Variants in XKR6 observed in about 807,000 individuals in gnomAD.
The protein encoded by XKR6 is XK-related protein 6.
A neutral mutation model predicts 56.7 loss-of-function variants in XKR6; 22 were observed. The ratio of observed to expected loss-of-function variants is 0.39; its 90% confidence interval spans 0.28 to 0.55. The LOEUF is 0.55. XKR6 is among the 20% of genes least tolerant of loss of function. The probability of loss-of-function intolerance (pLI) is 0.66; values close to 1 mark genes in which losing one functional copy is unlikely to be tolerated. For missense variants in XKR6, 852 were observed against 889.0 expected (o/e 0.96, Z 0.53); for synonymous variants, 524 against 387.8 (o/e 1.35, Z -4.13).
chr8:10,924,934 C>A (rs1014825002), intron 1 of XKR6, 104 bp from the exon 2 acceptor site: 9 of 1,226,936 alleles, frequency 7.3e-6, no homozygotes, highest in Non-Finnish European at 9.0e-6. Context: ...ATCCCCCCAA[C>A]TCCCTATGCT....
intron 1 of XKR6, among the ~76,000 whole-genome samples, chr8:11,145,442 T>C (rs143247471): frequency 6.6e-6 from 1 of 152,166 alleles, no homozygotes; most frequent in East Asian, 1.9e-4. Context: ...ATAAAACTTA[T>C]TTGTAGATGA....
intron 1 of XKR6, among the ~76,000 whole-genome samples, chr8:11,152,763 G>A (rs778600601): frequency 3.3e-5 from 5 of 152,212 alleles, no homozygotes; most frequent in African/African-American, 7.2e-5. Context: ...TGTGGACAGA[G>A]TGTTTCTTTT....
At chr8:11,076,041 A>G (rs1363016023) in intron 1 of XKR6, among the ~76,000 whole-genome samples, 2 of 152,336 alleles carry the variant, frequency 1.3e-5, no homozygotes, top group South Asian at 2.1e-4. Flanking sequence ...ATTCAGCCAT[A>G]AAAAGGAAGG....
At chr8:11,183,035 T>A (rs1803078664) in intron 1 of XKR6, among the ~76,000 whole-genome samples, 1 of 152,202 alleles carries the variant, frequency 6.6e-6, no homozygotes, top group African/African-American at 2.4e-5. Context: ...TGTTGCAGCA[T>A]GTGTTAGAAT....
At chr8:11,140,723 C>T (rs1438296569) in intron 1 of XKR6, among the ~76,000 whole-genome samples, 9 of 151,772 alleles carry the variant, frequency 5.9e-5, no homozygotes, top group Non-Finnish European at 1.2e-4. Context: ...CGGTGAAACC[C>T]GGTCTCTACT....
intron 1 of XKR6, among the ~76,000 whole-genome samples, chr8:11,048,957 G>A (rs1388862125): frequency 6.6e-6 from 1 of 152,202 alleles, no homozygotes; most frequent in Non-Finnish European, 1.5e-5. Flanking sequence ...CACAGTGGCT[G>A]AGGTGGCTGC....
intron 1 of XKR6, among the ~76,000 whole-genome samples, chr8:11,172,678 CT>C (rs1456384310): frequency 6.6e-6 from 1 of 152,120 alleles, no homozygotes; most frequent in Non-Finnish European, 1.5e-5. Flanking sequence ...TTTTTCTTTA[CT>C]TTTTTTCAAC....
At chr8:11,141,407 C>T (rs1213354635) in intron 1 of XKR6, among the ~76,000 whole-genome samples, 3 of 152,150 alleles carry the variant, frequency 2.0e-5, no homozygotes, top group Non-Finnish European at 2.9e-5. Flanking sequence ...GATTCATGGC[C>T]TCACAAGCAG....
At chr8:10,930,749 C>T (rs1032346612) in intron 1 of XKR6, among the ~76,000 whole-genome samples, 1 of 152,116 alleles carries the variant, frequency 6.6e-6, no homozygotes, top group Admixed American at 6.5e-5. Flanking sequence ...ATTTTCTCAG[C>T]AAACTAGAAA....
intron 1 of XKR6, among the ~76,000 whole-genome samples, chr8:10,939,743 G>T (rs1801334253): frequency 6.6e-6 from 1 of 152,230 alleles, no homozygotes; most frequent in South Asian, 2.1e-4. Flanking sequence ...GAGACCAGGG[G>T]CCTCGCCCAC....
rs543328458 is a variant in XKR6, at chr8:10,938,787, C to T, written c.765-13957G>A. Among the ~76,000 whole-genome samples the T allele has an allele frequency of 9.9e-4, 151 of 152,104 alleles. 1 individual carries two copies. The highest frequency in any genetic ancestry group is 5.0e-3 in the Admixed American group (76 of 15,288). Reference sequence around the variant, plus strand: ...TTATGGTGGTGACTATGTGAATCCGCGTATGCACTGAAACTCAAAGACCTC... The same window carrying T: ...TTATGGTGGTGACTATGTGAATCCGTGTATGCACTGAAACTCAAAGACCTC... On this transcript the variant is annotated intron_variant, in intron 1 of 2. Transcript: ENST00000416569.
chr8:11,020,911 T>C (rs1235138794), intron 1 of XKR6, among the ~76,000 whole-genome samples: 1 of 152,158 alleles, frequency 6.6e-6, no homozygotes, highest in Non-Finnish European at 1.5e-5. Context: ...AGAGAGTCAG[T>C]ATATGTGAAT....
In XKR6 at chr8:11,156,280, G is replaced by C. The variant is rs149176206; in HGVS notation, c.764+44296C>G. Among the ~76,000 whole-genome samples the C allele has an allele frequency of 2.0e-5, 3 of 152,178 alleles. No homozygotes were observed. In the East Asian group the frequency reaches 5.8e-4, roughly 29 times the overall value. On this transcript the variant is annotated intron_variant, in intron 1 of 2. Coordinates refer to ENST00000416569, the MANE Select transcript of XKR6 (RefSeq NM_173683.4). ...TCTGAATGCTTTTCCAACTTTTGTT[G>C]ATTTAACTCTTCCTCACTCATCAAG...
intron 1 of XKR6, among the ~76,000 whole-genome samples, chr8:11,089,879 GAT>G (rs1248219575): frequency 6.6e-6 from 1 of 151,860 alleles, no homozygotes; most frequent in African/African-American, 2.4e-5. Flanking sequence ...ATTCTTACTA[GAT>G]ATATACTTAT....
intron 1 of XKR6, among the ~76,000 whole-genome samples, chr8:11,110,448 A>G (rs1382968754): frequency 1.3e-5 from 2 of 152,224 alleles, no homozygotes; most frequent in Non-Finnish European, 2.9e-5. Flanking sequence ...AGTTTCGGAA[A>G]TACTGGATAA....
chr8:11,062,028 G>C (rs976374590), intron 1 of XKR6, among the ~76,000 whole-genome samples: 11 of 152,274 alleles, frequency 7.2e-5, no homozygotes, highest in Non-Finnish European at 1.3e-4. Context: ...TACATCCAGG[G>C]GAAAATCATC....
In XKR6 at chr8:11,138,735, G is replaced by C. The variant is rs554165421; in HGVS notation, c.764+61841C>G. ...AGGTCTTCAGGTTGATGAAAATGGGGAGATTATGATTCCTACAGCCAGAAG... is the reference window on the plus strand; with the variant it reads ...AGGTCTTCAGGTTGATGAAAATGGGCAGATTATGATTCCTACAGCCAGAAG... On this transcript the variant is annotated intron_variant, in intron 1 of 2. Coordinates refer to ENST00000416569, the MANE Select transcript of XKR6 (RefSeq NM_173683.4). 4 of 152,228 alleles carry C rather than the reference G, an allele frequency of 2.6e-5. No individual in the cohort carries two copies. The South Asian group carries it at 8.3e-4, about 32-fold the overall frequency. 9.4% of individuals were successfully genotyped at this position (152,228 alleles called of 1,614,324 possible).
chr8:10,926,623 C>T (rs1800894108), intron 1 of XKR6, among the ~76,000 whole-genome samples: 1 of 152,256 alleles, frequency 6.6e-6, no homozygotes, highest in Non-Finnish European at 1.5e-5. Flanking sequence ...AGGCCAGGTC[C>T]TTCCAGGTAT....
intron 1 of XKR6, among the ~76,000 whole-genome samples, chr8:11,084,081 G>A (rs1166909702): frequency 2.0e-5 from 3 of 152,212 alleles, no homozygotes; most frequent in African/African-American, 7.2e-5. Flanking sequence ...GCATGGCTTT[G>A]GATACTTTCC....
Sources: gnomAD v4.1 joint callset for allele counts (sites outside exome capture counted in the v4.1 genomes callset) on GRCh38, gnomAD v4.1.1 for gene constraint, MANE v1.5 for transcripts, NCBI Gene and HGNC (gene_info 2026-07-23, HGNC 2026-07-21) for gene names.